Variants in CAPN13 observed in about 807,000 individuals in gnomAD.
The protein encoded by CAPN13 is calpain-13.
Under a neutral mutation model 98.4 loss-of-function variants are expected in CAPN13, and 90 were observed. The observed-to-expected ratio is 0.92, with a 90% confidence interval of 0.77 to 1.09. CAPN13 has a LOEUF of 1.09. Ranked by LOEUF, CAPN13 falls within the 50% of genes least tolerant of loss-of-function variation. The pLI, the probability that CAPN13 is intolerant of heterozygous loss-of-function variation, is 0.00. For missense variants in CAPN13, 887 were observed against 841.3 expected, an observed-to-expected ratio of 1.05 and a Z score of -0.67; for synonymous variants, 330 against 305.5, an observed-to-expected ratio of 1.08 and a Z score of -0.84.
At chr2:30,802,463 A>ATGTGTGTGTGTGTG (rs60572949) in intron 1 of CAPN13, among the ~76,000 whole-genome samples, 9 of 140,108 alleles carry the variant, frequency 6.4e-5, no homozygotes, top group African/African-American at 2.1e-4. Context: ...GTGTGTGTGT[A>ATGTGTGTGTGTGTG]TGTGTGTGTG....
At chr2:30,723,627 C>T (rs1670764269) in intron 22 of CAPN13, among the ~76,000 whole-genome samples, 1 of 152,146 alleles carries the variant, frequency 6.6e-6, no homozygotes, top group Admixed American at 6.6e-5. Flanking sequence ...TAACAACAGC[C>T]CTGAGCTCTG....
chr2:30,749,274 A>G (rs1171380624), intron 11 of CAPN13, among the ~76,000 whole-genome samples: 1 of 152,230 alleles, frequency 6.6e-6, no homozygotes, highest in Admixed American at 6.5e-5. Context: ...TGGATTTTGA[A>G]TTTTTGGACT....
intron 1 of CAPN13, among the ~76,000 whole-genome samples, chr2:30,805,262 A>G (rs926809107): frequency 4.6e-5 from 7 of 152,178 alleles, no homozygotes; most frequent in Admixed American, 2.6e-4. Context: ...CCAAGGCACA[A>G]TGCATCTGCA....
Position 30,758,071 on chromosome 2 carries a change from C to G in CAPN13, c.841G>C (p.Glu281Gln). The G allele has an allele frequency of 6.2e-7, 1 of 1,611,416 alleles. No homozygotes were observed. Among genetic ancestry groups the G allele is most frequent in the Middle Eastern group, 1.7e-4 (1 of 6,048 alleles). The change falls in exon 8 of 23, where the codon GAA becomes CAA. Residue 281 changes from glutamate to glutamine, a missense_variant. Transcript: ENST00000295055. ...LWNPWGWGEA[E>Q]WRGRWSDGSQ... ...CCATCACTCCAGCGCCCTCTCCATTCGGCCTCGCCCCAGCCCCAGGGGTTC... is the reference window on the plus strand; with the variant it reads ...CCATCACTCCAGCGCCCTCTCCATTGGGCCTCGCCCCAGCCCCAGGGGTTC...
chr2:30,763,076 C>A lies in CAPN13; in HGVS notation c.774+6G>T. On this transcript the variant is annotated splice_donor_region_variant and intron_variant, in intron 7 of 22. Coordinates refer to ENST00000295055, the MANE Select transcript of CAPN13 (RefSeq NM_144575.3). ...GAGAGCTGGACAGGCCAGCAGCCAG[C>A]CTTACCTGCTCAGCCCCAGTCACAG... 6.2e-7 allele frequency: 1 copy of A among 1,605,140 alleles called. No individual in the cohort carries two copies. The highest frequency in any genetic ancestry group is 8.5e-7 in the Non-Finnish European group (1 of 1,175,588).
rs189036782 is a variant in CAPN13 at position 30,725,464 on chromosome 2, A to C, written c.*31-2228T>G. On this transcript the variant is annotated intron_variant, in intron 22 of 22. Transcript: ENST00000295055. Reference sequence around the variant, plus strand: ...AGAAGTATTCTTACAACAAAAGTATACCTCAACTTGCCCGGTGAGTCCAAG... The same window carrying C: ...AGAAGTATTCTTACAACAAAAGTATCCCTCAACTTGCCCGGTGAGTCCAAG... Among the ~76,000 whole-genome samples, 51 of 152,266 alleles carry C rather than the reference A, an allele frequency of 3.3e-4. No homozygotes were observed. In the East Asian group the frequency reaches 9.1e-3, roughly 27 times the overall value.
At chr2:30,764,684 C>A (rs1185665334) in intron 5 of CAPN13, among the ~76,000 whole-genome samples, 1 of 152,116 alleles carries the variant, frequency 6.6e-6, no homozygotes, top group Non-Finnish European at 1.5e-5. Flanking sequence ...GTGCCCGGCA[C>A]GTGACCATCC....
intron 1 of CAPN13, among the ~76,000 whole-genome samples, chr2:30,807,037 A>G (rs961992255): frequency 6.6e-6 from 1 of 152,190 alleles, no homozygotes; most frequent in African/African-American, 2.4e-5. Flanking sequence ...ATGATTAAGA[A>G]ATACTCTCTT....
intron 7 of CAPN13, among the ~76,000 whole-genome samples, chr2:30,760,104 A>G (rs146170881): frequency 7.9e-4 from 120 of 151,888 alleles, no homozygotes; most frequent in African/African-American, 2.7e-3. Context: ...TTTTTTTGAG[A>G]TGGAGTCTTG....
At position 30,743,213 on chromosome 2, in the gene CAPN13, A is replaced by G. The variant is rs188358515; in HGVS notation, c.1445+170T>C. ...TTGTGGTCTGGTTCTTGGTTCATAGACTTTCTCGCTCCCCCTTTATGGTGA... is the reference window on the plus strand; with the variant it reads ...TTGTGGTCTGGTTCTTGGTTCATAGGCTTTCTCGCTCCCCCTTTATGGTGA... On this transcript the variant is annotated intron_variant, in intron 13 of 22. Transcript: ENST00000295055. The G allele has an allele frequency of 1.9e-4, 127 of 660,108 alleles. No individual in the cohort carries two copies. The African/African-American group carries it at 2.1e-3, about 11-fold the overall frequency. The allele number at this position is 660,108 out of a possible 1,614,324, so 40.9% of individuals were successfully genotyped here.
At position 30,743,587 on chromosome 2, in the gene CAPN13, T is replaced by C. The variant is rs570140176; in HGVS notation, c.1249-8A>G. 6 of 1,613,724 alleles carry C rather than the reference T, an allele frequency of 3.7e-6. No homozygotes were observed. The East Asian group carries it at 1.1e-4, about 30-fold the overall frequency. The stretch of plus-strand genomic sequence containing the variant: ...AAATTTCTCCCGGAACCGCTGGAAT[T>C]AGAGGAAACACAATGATTGTGAGAA... On this transcript the variant is annotated splice_polypyrimidine_tract_variant and splice_region_variant and intron_variant, in intron 12 of 22. Coordinates refer to ENST00000295055, the MANE Select transcript of CAPN13 (RefSeq NM_144575.3).
chr2:30,734,403 C>T (rs1179324587), intron 19 of CAPN13, 46 bp downstream of exon 19: 69 of 1,494,814 alleles, frequency 4.6e-5, no homozygotes, highest in Non-Finnish European at 6.2e-5. Flanking sequence ...GGCATCACCC[C>T]CCTCCCCGGA....
At chr2:30,752,260 C>T (rs1374592446) in intron 10 of CAPN13, among the ~76,000 whole-genome samples, 1 of 152,228 alleles carries the variant, frequency 6.6e-6, no homozygotes, top group Non-Finnish European at 1.5e-5. Flanking sequence ...GATGCATATG[C>T]ATCCCTGGGT....
At chr2:30,741,617 G>T in intron 15 of CAPN13, 1 of 1,177,572 alleles carries the variant, frequency 8.5e-7, no homozygotes, top group Non-Finnish European at 1.1e-6. Flanking sequence ...CCAATTGCTT[G>T]TTTAAAGATT....
At chr2:30,738,484 G>T in intron 15 of CAPN13, 27 bp from the exon 16 acceptor site, 1 of 1,587,410 alleles carries the variant, frequency 6.3e-7, no homozygotes, top group Non-Finnish European at 8.6e-7. Context: ...AGGAATGCAG[G>T]AATTATATCA....
chr2:30,777,524 C>T (rs1673764438), intron 3 of CAPN13, 43 bp downstream of exon 3: 3 of 1,514,646 alleles, frequency 2.0e-6, no homozygotes, highest in Non-Finnish European at 2.7e-6. Context: ...CACCCTCCAC[C>T]ACTTCCTATC....
intron 1 of CAPN13, among the ~76,000 whole-genome samples, chr2:30,795,038 T>G (rs1674785809): frequency 6.6e-6 from 1 of 152,014 alleles, no homozygotes; most frequent in African/African-American, 2.4e-5. Context: ...TAGAGTTGTT[T>G]CAAAAATTAA....
intron 2 of CAPN13, among the ~76,000 whole-genome samples, chr2:30,783,266 C>T (rs1047228526): frequency 8.5e-5 from 13 of 152,150 alleles, no homozygotes; most frequent in Non-Finnish European, 1.9e-4. Flanking sequence ...TAAGTATAAT[C>T]TTTAGCACTG....
chr2:30,800,116 A>AAAGAAAG (rs1444108248), intron 1 of CAPN13, among the ~76,000 whole-genome samples: 2 of 85,658 alleles, frequency 2.3e-5, no homozygotes, highest in East Asian at 3.9e-4. Flanking sequence ...GAAAAGAAAG[A>AAAGAAAG]AAAGAAAGAA....
Sources: allele counts gnomAD v4.1 joint callset (sites outside exome capture counted in the v4.1 genomes callset), GRCh38; gene constraint gnomAD v4.1.1; transcripts MANE v1.5; gene names NCBI Gene and HGNC (gene_info 2026-07-23, HGNC 2026-07-21).